The following ST13 variants were observed in gnomAD, a reference collection of about 807,000 sequenced individuals.
ST13 encodes the protein hsc70-interacting protein.
ST13 carries 23 observed loss-of-function variants against 56.7 expected under a neutral mutation model. The observed-to-expected ratio is 0.41, with a 90% confidence interval of 0.29 to 0.57. ST13 has a LOEUF of 0.57. Ranked by LOEUF, ST13 falls within the 20% of genes least tolerant of loss-of-function variation. The pLI, the probability that ST13 is intolerant of heterozygous loss-of-function variation, is 0.36. For synonymous variants in ST13, 132 were observed against 142.4 expected (o/e 0.93, Z 0.52); for missense variants, 369 against 459.9 (o/e 0.80, Z 1.81).
At position 40,826,096 on chromosome 22, in the gene ST13, C is replaced by T. The variant is rs1443130754; in HGVS notation, c.*442G>A. The T allele has an allele frequency of 6.5e-6, 1 of 152,930 alleles. No homozygotes were observed. The highest frequency in any genetic ancestry group is 2.4e-5 in the African/African-American group (1 of 41,406). The allele number at this position is 152,930 out of a possible 1,614,324, so 9.5% of individuals were successfully genotyped here. On this transcript the variant is annotated 3_prime_UTR_variant, in exon 12 of 12. Transcript: ENST00000216218. Reference sequence around the variant, plus strand: ...AGACAAGTCAAAATGCATCAGGAACCACATATCCAACACAAACTTTATCCT... The same window carrying T: ...AGACAAGTCAAAATGCATCAGGAACTACATATCCAACACAAACTTTATCCT...
intron 9 of ST13, 113 bp from the exon 10 acceptor site, chr22:40,829,787 TACTGA>T (rs549453933): frequency 4.0e-5 from 19 of 473,288 alleles, no homozygotes; most frequent in Middle Eastern, 9.3e-4. Context: ...TAGATGGCAA[TACTGA>T]ACTGAAGGAT....
At chr22:40,840,206 C>T (rs1482155872) in intron 5 of ST13, among the ~76,000 whole-genome samples, 1 of 152,140 alleles carries the variant, frequency 6.6e-6, no homozygotes, top group African/African-American at 2.4e-5. Context: ...TCACCACTTT[C>T]TCACTCTGAG....
At chr22:40,839,907 T>C (rs1396376909) in intron 5 of ST13, among the ~76,000 whole-genome samples, 1 of 151,914 alleles carries the variant, frequency 6.6e-6, no homozygotes, top group East Asian at 1.9e-4. Flanking sequence ...TCCCAGCACT[T>C]TGGGAGGCTG....
intron 2 of ST13, among the ~76,000 whole-genome samples, chr22:40,850,104 A>C (rs572724387): frequency 2.0e-5 from 3 of 152,004 alleles, no homozygotes; most frequent in East Asian, 3.9e-4. Flanking sequence ...CTAAAAATAG[A>C]AAAATTAGCC....
At chr22:40,828,669 G>A (rs1312243946) in intron 10 of ST13, among the ~76,000 whole-genome samples, 1 of 151,834 alleles carries the variant, frequency 6.6e-6, no homozygotes, top group Admixed American at 6.6e-5. Flanking sequence ...TCTACAAAGG[G>A]TCACTGTAAG....
intron 1 of ST13, among the ~76,000 whole-genome samples, chr22:40,851,996 G>A (rs2057863914): frequency 6.6e-6 from 1 of 152,120 alleles, no homozygotes; most frequent in African/African-American, 2.4e-5. Context: ...GCCAGCCTTG[G>A]CCTCCCAAAG....
At chr22:40,853,487 C>A (rs2057872261) in intron 1 of ST13, among the ~76,000 whole-genome samples, 1 of 152,182 alleles carries the variant, frequency 6.6e-6, no homozygotes, top group Non-Finnish European at 1.5e-5. Flanking sequence ...AGGCTTAGAA[C>A]AAGCTACTTT....
chr22:40,829,687 A>C lies in ST13; in HGVS notation c.799-13T>G. ...TGGCTTCTTCCTCCTTTGATACAAA[A>C]GGAAATAAATTATATAATAGAAGAA... On this transcript the variant is annotated splice_polypyrimidine_tract_variant and intron_variant, in intron 9 of 11. Coordinates refer to ENST00000216218, the MANE Select transcript of ST13 (RefSeq NM_003932.5). The C allele has an allele frequency of 6.9e-7, 1 of 1,442,750 alleles. No homozygotes were observed. Among genetic ancestry groups the C allele is most frequent in the African/African-American group, 1.4e-5 (1 of 71,246 alleles). The allele number at this position is 1,442,750 out of a possible 1,614,324, so 89.4% of individuals were successfully genotyped here. A position where few individuals can be genotyped will look rare whatever the true frequency, so the allele number is the denominator to read the frequency against.
chr22:40,847,169 T>G (rs1343420771), intron 3 of ST13, among the ~76,000 whole-genome samples: 1 of 152,168 alleles, frequency 6.6e-6, no homozygotes, highest in African/African-American at 2.4e-5. Context: ...CTCTTCTAAA[T>G]ATGAACCAGT....
chr22:40,835,608 A>G lies in ST13; in HGVS notation c.530T>C (p.Ile177Thr). 1 of 1,613,396 alleles carries G rather than the reference A, an allele frequency of 6.2e-7. No homozygotes were observed. The highest frequency in any genetic ancestry group is 8.5e-7 in the Non-Finnish European group (1 of 1,180,022). ...AIRDCDRAIE[I>T]NPDSAQPYKW... ...GTAAGGCTGAGCTGAATCAGGATTTATTTCAATGGCTCTGTCACAGTCTCG... is the reference window on the plus strand; with the variant it reads ...GTAAGGCTGAGCTGAATCAGGATTTGTTTCAATGGCTCTGTCACAGTCTCG... The change falls in exon 7 of 12, where the codon ATA becomes ACA. Residue 177 changes from isoleucine to threonine, a missense_variant. By Grantham distance (89) the Ile-to-Thr change is moderately conservative. Around this residue, in one of 3 missense-constraint regions of ST13, gnomAD observed 64 missense variants for 125.1 expected, o/e 0.51. Coordinates refer to ENST00000216218, the MANE Select transcript of ST13 (RefSeq NM_003932.5).
At position 40,856,333 on chromosome 22, in the gene ST13, G is replaced by A. The variant is rs2057895059; in HGVS notation, c.110+98C>T. 3.4e-5 allele frequency: 36 copies of A among 1,062,678 alleles called. No homozygotes were observed. In the East Asian group the frequency reaches 8.1e-4, roughly 24 times the overall value. The allele number at this position is 1,062,678 out of a possible 1,614,324, so 65.8% of individuals were successfully genotyped here. ...CTTTCCCGGGCAAAGAAGGGGCAGC[G>A]ACCCCGCCTCGCCCGCCGGACCGAG... On this transcript the variant is annotated intron_variant, in intron 1 of 11. Transcript: ENST00000216218.
intron 10 of ST13, among the ~76,000 whole-genome samples, chr22:40,827,573 G>A (rs971147349): frequency 2.0e-5 from 3 of 152,150 alleles, no homozygotes; most frequent in South Asian, 2.1e-4. Flanking sequence ...TGCCTCCCGG[G>A]TTTAAGCAAT....
chr22:40,835,351 A>C, intron 7 of ST13: 2 of 410,436 alleles, frequency 4.9e-6, no homozygotes, highest in East Asian at 4.0e-5. Context: ...CTTCCTTCCT[A>C]TATTCTCACT....
intron 7 of ST13, among the ~76,000 whole-genome samples, chr22:40,834,872 A>G (rs1047272709): frequency 2.6e-5 from 4 of 152,236 alleles, no homozygotes; most frequent in African/African-American, 7.2e-5. Flanking sequence ...CATAAAATCC[A>G]CTAGAGCTAC....
chr22:40,848,085 C>T (rs2057841731), intron 3 of ST13, among the ~76,000 whole-genome samples: 1 of 152,106 alleles, frequency 6.6e-6, no homozygotes, highest in Non-Finnish European at 1.5e-5. Context: ...ATTGATTACA[C>T]ATGTCAATAT....
chr22:40,839,518 A>G (rs1018889701), intron 5 of ST13, among the ~76,000 whole-genome samples: 4 of 152,180 alleles, frequency 2.6e-5, no homozygotes, highest in African/African-American at 9.7e-5. Flanking sequence ...CAATCCCAGC[A>G]CTTTGGGAGG....
At chr22:40,831,449 A>G (rs1163472472) in intron 8 of ST13, among the ~76,000 whole-genome samples, 1 of 152,234 alleles carries the variant, frequency 6.6e-6, no homozygotes. Flanking sequence ...AAATTGCTAT[A>G]GGGATTAAGA....
intron 2 of ST13, among the ~76,000 whole-genome samples, chr22:40,849,927 C>G (rs201510320): frequency 1.5e-5 from 2 of 130,708 alleles, no homozygotes; most frequent in African/African-American, 2.9e-5. Context: ...AAAAAAAAAG[C>G]CTTTTAGATA....
intron 5 of ST13, among the ~76,000 whole-genome samples, chr22:40,839,286 T>C (rs1260546656): frequency 1.3e-5 from 2 of 152,204 alleles, no homozygotes; most frequent in Non-Finnish European, 2.9e-5. Context: ...ATAACTTCAA[T>C]CATCTTCTAA....
Sources: allele counts gnomAD v4.1 joint callset (sites outside exome capture counted in the v4.1 genomes callset), GRCh38; gene constraint gnomAD v4.1.1; regional missense constraint gnomAD v4.1.1; transcripts MANE v1.5; gene names NCBI Gene and HGNC (gene_info 2026-07-23, HGNC 2026-07-21).